Variants in GALNTL6 observed in about 807,000 individuals in gnomAD.
GALNTL6 encodes the protein polypeptide N-acetylgalactosaminyltransferase like 6.
A neutral mutation model predicts 73.7 loss-of-function variants in GALNTL6; 46 were observed. The ratio of observed to expected loss-of-function variants is 0.62; its 90% CI spans 0.49 to 0.80. GALNTL6 has a LOEUF of 0.80. GALNTL6 is among the 30% of genes least tolerant of loss of function. The pLI is 0.00. For synonymous variants in GALNTL6, 259 were observed against 263.7 expected, an observed-to-expected ratio of 0.98 and a Z score of 0.17; for missense variants, 604 against 755.0, an observed-to-expected ratio of 0.80 and a Z score of 2.34.
chr4:172,738,425 G>A (rs1323319744), intron 5 of GALNTL6, among the ~76,000 whole-genome samples: 5 of 152,064 alleles, frequency 3.3e-5, no homozygotes, highest in Admixed American at 1.3e-4. Context: ...GGTGTTTGTT[G>A]TAATGGGGAA....
Position 172,331,053 on chromosome 4 carries a change from A to G in GALNTL6, c.387-17470A>G, listed in dbSNP as rs115652680. Among the ~76,000 whole-genome samples the G allele has an allele frequency of 6.0e-3, 912 of 152,146 alleles. 11 individuals are homozygous for G. Among genetic ancestry groups the G allele is most frequent in the African/African-American group, 0.02 (845 of 41,528 alleles). On this transcript the variant is annotated intron_variant, in intron 4 of 12. Coordinates refer to ENST00000506823, the MANE Select transcript of GALNTL6 (RefSeq NM_001034845.3). ...ATTCAATTTTTCATTATCTTCTTGA[A>G]CATAAAGAAAACAGCACTAATAACT...
At chr4:171,867,349 T>A (rs1339425556) in intron 2 of GALNTL6, among the ~76,000 whole-genome samples, 2 of 152,114 alleles carry the variant, frequency 1.3e-5, no homozygotes. Flanking sequence ...GTCCAGAAAT[T>A]TCTGCAAAAA....
At chr4:172,625,990 T>C (rs941487764) in intron 5 of GALNTL6, among the ~76,000 whole-genome samples, 1 of 152,184 alleles carries the variant, frequency 6.6e-6, no homozygotes, top group Non-Finnish European at 1.5e-5. Context: ...CTGTTGATAG[T>C]TTCTTTGGCT....
intron 5 of GALNTL6, among the ~76,000 whole-genome samples, chr4:172,765,317 A>T (rs1482201658): frequency 6.6e-6 from 1 of 152,228 alleles, no homozygotes; most frequent in Non-Finnish European, 1.5e-5. Flanking sequence ...CTTTTTATAA[A>T]AGTGATATAT....
At chr4:172,626,201 T>G (rs1195829576) in intron 5 of GALNTL6, among the ~76,000 whole-genome samples, 1 of 152,214 alleles carries the variant, frequency 6.6e-6, no homozygotes, top group Non-Finnish European at 1.5e-5. Context: ...TTATGTATGA[T>G]GAAACGTAGG....
intron 2 of GALNTL6, among the ~76,000 whole-genome samples, chr4:172,076,334 G>A (rs1731703974): frequency 6.6e-6 from 1 of 152,178 alleles, no homozygotes; most frequent in Non-Finnish European, 1.5e-5. Context: ...GGCACATCAG[G>A]AGGGTAAAGA....
chr4:172,895,774 G>A (rs1199265268), intron 8 of GALNTL6, among the ~76,000 whole-genome samples: 1 of 151,962 alleles, frequency 6.6e-6, no homozygotes, highest in Non-Finnish European at 1.5e-5. Context: ...TTTTGATGTT[G>A]TCCCATAGAT....
At chr4:172,014,674 T>C (rs909515835) in intron 2 of GALNTL6, among the ~76,000 whole-genome samples, 1 of 152,114 alleles carries the variant, frequency 6.6e-6, no homozygotes, top group Non-Finnish European at 1.5e-5. Flanking sequence ...GACTTTTCAA[T>C]GTAGGCATGT....
chr4:171,845,594 A>C (rs147185266), intron 2 of GALNTL6, among the ~76,000 whole-genome samples: 1 of 152,118 alleles, frequency 6.6e-6, no homozygotes, highest in African/African-American at 2.4e-5. Flanking sequence ...TCAGCTAACA[A>C]TTTAGAAAGT....
chr4:172,170,764 T>C (rs1486182197), intron 2 of GALNTL6, among the ~76,000 whole-genome samples: 1 of 152,060 alleles, frequency 6.6e-6, no homozygotes, highest in Non-Finnish European at 1.5e-5. Flanking sequence ...TCTGTCCACC[T>C]TGGTCTTCCA....
intron 5 of GALNTL6, among the ~76,000 whole-genome samples, chr4:172,372,725 G>A (rs1742863530): frequency 6.6e-6 from 1 of 152,122 alleles, no homozygotes; most frequent in Non-Finnish European, 1.5e-5. Flanking sequence ...TCTGCCTCTG[G>A]TTCCCATTCT....
chr4:172,436,217 C>T (rs565188199), intron 5 of GALNTL6, among the ~76,000 whole-genome samples: 87 of 152,222 alleles, frequency 5.7e-4, no homozygotes, highest in African/African-American at 1.8e-3. Flanking sequence ...GCTGTAGCAC[C>T]TCTTACCACT....
rs1361952311 is a variant in GALNTL6 at position 171,903,475 on chromosome 4, C to T, written c.138+88757C>T. 7.2e-5 allele frequency among the ~76,000 whole-genome samples: 11 copies of T among 152,124 alleles called. No individual in the cohort carries two copies. The East Asian group carries it at 1.7e-3, about 24-fold the overall frequency. On this transcript the variant is annotated intron_variant, in intron 2 of 12. Coordinates refer to ENST00000506823, the MANE Select transcript of GALNTL6 (RefSeq NM_001034845.3). The stretch of plus-strand genomic sequence containing the variant: ...GCACACCAGGAGATTAAATCCCTCA[C>T]GTGGCTCGGAGGGTCCCACGCCCAC...
At chr4:172,702,798 C>A (rs1394632425) in intron 5 of GALNTL6, among the ~76,000 whole-genome samples, 2 of 150,678 alleles carry the variant, frequency 1.3e-5, no homozygotes, top group Admixed American at 6.6e-5. Flanking sequence ...CAGGAATGAA[C>A]TAAGACAAAT....
At chr4:171,932,892 A>C (rs976787295) in intron 2 of GALNTL6, among the ~76,000 whole-genome samples, 2 of 152,158 alleles carry the variant, frequency 1.3e-5, no homozygotes, top group Admixed American at 6.5e-5. Flanking sequence ...AATTGCTGGC[A>C]TCCATATTCA....
At chr4:172,767,024 T>A (rs1407680504) in intron 5 of GALNTL6, among the ~76,000 whole-genome samples, 3 of 152,220 alleles carry the variant, frequency 2.0e-5, no homozygotes, top group African/African-American at 7.2e-5. Flanking sequence ...ACGATGTTCC[T>A]AGGCATTGCT....
chr4:172,420,980 G>T (rs1288996685), intron 5 of GALNTL6, among the ~76,000 whole-genome samples: 1 of 151,972 alleles, frequency 6.6e-6, no homozygotes, highest in Non-Finnish European at 1.5e-5. Flanking sequence ...CATGGACACG[G>T]GGAGGGGAAC....
intron 2 of GALNTL6, among the ~76,000 whole-genome samples, chr4:171,998,824 A>G (rs1396846464): frequency 1.3e-5 from 2 of 152,104 alleles, no homozygotes; most frequent in Non-Finnish European, 2.9e-5. Flanking sequence ...GCAAAACTGA[A>G]ATAATGGTTG....
At chr4:172,611,771 G>A (rs1188708963) in intron 5 of GALNTL6, among the ~76,000 whole-genome samples, 1 of 151,962 alleles carries the variant, frequency 6.6e-6, no homozygotes, top group East Asian at 1.9e-4. Context: ...ATCTCATGAA[G>A]GCGTTTTGCC....
Sources: gnomAD v4.1 joint callset for allele counts (sites outside exome capture counted in the v4.1 genomes callset) on GRCh38, gnomAD v4.1.1 for gene constraint, MANE v1.5 for transcripts, NCBI Gene and HGNC (gene_info 2026-07-23, HGNC 2026-07-21) for gene names.